The following CAST variants were observed in gnomAD, a reference collection of about 807,000 sequenced individuals.
CAST encodes the protein MIR583 host.
CAST carries 76 observed loss-of-function variants against 119.6 expected under a neutral mutation model. The ratio of observed to expected loss-of-function variants is 0.64; its 90% confidence interval spans 0.53 to 0.77. The LOEUF (loss-of-function observed/expected upper bound fraction) is 0.77. CAST is among the 30% of genes least tolerant of loss of function. CAST has a pLI of 0.00. For synonymous variants in CAST, 319 were observed against 331.6 expected (o/e 0.96, Z 0.41); for missense variants, 953 against 946.5 (o/e 1.01, Z -0.09).
chr5:96,115,588 A>T, the CAST span, among the ~76,000 whole-genome samples: 1 of 152,232 alleles, frequency 6.6e-6, no homozygotes, highest in Admixed American at 6.5e-5. Context: ...GTCTGGTTCC[A>T]GAGTTCAAGG....
rs1746543924 is a variant in CAST, at chr5:96,570,079, CTCACTTGTGAATGTT to C, written c.60+40204_60+40218del. ...TCGTACCCTGATCTAAAATCCGTTGCTCACTTGTGAATGTTTCACAGCACCGTGGTTGAGAACCAC... is the reference window on the plus strand; with the variant it reads ...TCGTACCCTGATCTAAAATCCGTTGCTCACAGCACCGTGGTTGAGAACCAC... On this transcript the variant is annotated intron_variant, in intron 1 of 11. Transcript: ENST00000505143. Among the ~76,000 whole-genome samples, 3 of 152,192 alleles carry C rather than the reference CTCACTTGTGAATGTT, an allele frequency of 2.0e-5. No homozygotes were observed. The South Asian group carries it at 6.2e-4, about 32-fold the overall frequency.
At chr5:96,454,604 T>C in the CAST span, among the ~76,000 whole-genome samples, 24,875 of 152,212 alleles carry the variant, frequency 0.16, 2,073 homozygotes, top group Middle Eastern at 0.19. Flanking sequence ...TACCTGGCCC[T>C]GTGCTGAGTC....
chr5:96,112,927 T>C, the CAST span, among the ~76,000 whole-genome samples: 6 of 152,326 alleles, frequency 3.9e-5, no homozygotes, highest in East Asian at 1.2e-3. Context: ...TAATATCATA[T>C]CTCTTTCTAT....
chr5:96,415,933 C>T, the CAST span: 1 of 789,656 alleles, frequency 1.3e-6, no homozygotes, highest in Admixed American at 1.8e-5. Context: ...TAATTTGTTC[C>T]TCCAGTTGTT....
intron 1 of CAST, among the ~76,000 whole-genome samples, chr5:96,599,973 A>AAAAAAAAG (rs1554070020): frequency 2.3e-4 from 21 of 90,150 alleles, no homozygotes; most frequent in Admixed American, 7.3e-4. Context: ...AGGCAAAAAA[A>AAAAAAAAG]AAAAAAAAAA....
At chr5:96,076,218 C>T in the CAST span, among the ~76,000 whole-genome samples, 1 of 152,138 alleles carries the variant, frequency 6.6e-6, no homozygotes, top group Non-Finnish European at 1.5e-5. Flanking sequence ...GGTCAAATAA[C>T]ATTTTGTGGG....
intron 20 of CAST, among the ~76,000 whole-genome samples, chr5:96,751,672 C>T (rs1210575897): frequency 6.6e-6 from 1 of 152,150 alleles, no homozygotes; most frequent in East Asian, 1.9e-4. Flanking sequence ...GTGAAGAAAG[C>T]AGGCAAAGAG....
chr5:95,986,887 T>A, the CAST span, among the ~76,000 whole-genome samples: 1 of 152,158 alleles, frequency 6.6e-6, no homozygotes, highest in Non-Finnish European at 1.5e-5. Flanking sequence ...CCATTGTAAG[T>A]AACCTTGGCA....
chr5:96,311,836 ATTGGG>A, the CAST span, among the ~76,000 whole-genome samples: 310 of 152,092 alleles, frequency 2.0e-3, 1 homozygote, highest in Non-Finnish European at 3.2e-3. Flanking sequence ...GCAGCATATA[ATTGGG>A]TCTTGGTTTT....
At chr5:96,339,646 C>A in the CAST span, among the ~76,000 whole-genome samples, 25 of 152,206 alleles carry the variant, frequency 1.6e-4, no homozygotes, top group African/African-American at 6.0e-4. Flanking sequence ...AACTTGAAGT[C>A]ATAGGCATGT....
the CAST span, among the ~76,000 whole-genome samples, chr5:96,003,278 G>A: frequency 6.6e-6 from 1 of 151,514 alleles, no homozygotes; most frequent in Non-Finnish European, 1.5e-5. Flanking sequence ...GGTGGCTCAT[G>A]CCTGTAATCC....
intron 1 of CAST, among the ~76,000 whole-genome samples, chr5:96,592,491 C>T (rs1264895731): frequency 6.6e-6 from 1 of 152,078 alleles, no homozygotes; most frequent in Non-Finnish European, 1.5e-5. Flanking sequence ...TTATTTCATT[C>T]ATTAATATGG....
At chr5:96,612,551 A>C (rs1047595353) in intron 1 of CAST, among the ~76,000 whole-genome samples, 1 of 152,146 alleles carries the variant, frequency 6.6e-6, no homozygotes, top group African/African-American at 2.4e-5. Context: ...CACGTAACAA[A>C]CCTGCATACA....
At chr5:96,613,183 C>A (rs1407977351) in intron 1 of CAST, among the ~76,000 whole-genome samples, 3 of 152,112 alleles carry the variant, frequency 2.0e-5, no homozygotes, top group Admixed American at 6.5e-5. Flanking sequence ...TAGCTGTTTT[C>A]TTCCATTCAA....
chr5:96,377,423 AT>A, the CAST span, among the ~76,000 whole-genome samples: 94 of 151,882 alleles, frequency 6.2e-4, no homozygotes, highest in Non-Finnish European at 4.4e-4. Context: ...CAGGCGAATC[AT>A]TTTTTTTCTC....
chr5:96,641,299 CT>C (rs1747946879), intron 1 of CAST, among the ~76,000 whole-genome samples: 1 of 152,150 alleles, frequency 6.6e-6, no homozygotes, highest in African/African-American at 2.4e-5. Flanking sequence ...CTCTCTAGGT[CT>C]TGCACTAGGC....
At chr5:96,361,187 A>T in the CAST span, among the ~76,000 whole-genome samples, 1 of 152,184 alleles carries the variant, frequency 6.6e-6, no homozygotes, top group Non-Finnish European at 1.5e-5. Flanking sequence ...CTTCCCACCA[A>T]GCTCGAGTGT....
At chr5:96,643,687 A>G (rs1203713348) in intron 1 of CAST, among the ~76,000 whole-genome samples, 1 of 152,170 alleles carries the variant, frequency 6.6e-6, no homozygotes, top group Non-Finnish European at 1.5e-5. Context: ...AACCTGGCCA[A>G]CATGGTGAAA....
At chr5:96,314,954 A>G in the CAST span, among the ~76,000 whole-genome samples, 1 of 152,256 alleles carries the variant, frequency 6.6e-6, no homozygotes. Flanking sequence ...TTTGCTAAAC[A>G]AGAAAGTTTA....
Sources: gnomAD v4.1 joint callset for allele counts (sites outside exome capture counted in the v4.1 genomes callset) on GRCh38, gnomAD v4.1.1 for gene constraint, MANE v1.5 for transcripts, NCBI Gene and HGNC (gene_info 2026-07-23, HGNC 2026-07-21) for gene names.